The following NFIC variants were observed in gnomAD, a reference collection of about 807,000 sequenced individuals.
NFIC encodes the protein nuclear factor I C.
In NFIC, 12 loss-of-function variants were observed where a neutral mutation model predicts 54.4. The ratio of observed to expected loss-of-function variants is 0.22; its 90% CI spans 0.14 to 0.36. The LOEUF is 0.36. Ranked by LOEUF, NFIC falls within the 10% of genes least tolerant of loss-of-function variation. NFIC has a pLI of 1.00. For synonymous variants in NFIC, 322 were observed against 319.2 expected, an observed-to-expected ratio of 1.01 and a Z score of -0.09; for missense variants, 575 against 718.2, an observed-to-expected ratio of 0.80 and a Z score of 2.28.
intron 6 of NFIC, among the ~76,000 whole-genome samples, chr19:3,445,027 A>G (rs1331112216): frequency 1.4e-5 from 2 of 144,418 alleles, no homozygotes; most frequent in Non-Finnish European, 2.9e-5. Context: ...GCACAGGCAT[A>G]CACATACACA....
chr19:3,405,973 T>C (rs1321144405), intron 2 of NFIC, among the ~76,000 whole-genome samples: 2 of 152,004 alleles, frequency 1.3e-5, no homozygotes, highest in Non-Finnish European at 2.9e-5. Flanking sequence ...CAGGCTGGAG[T>C]GCAGTGACTT....
chr19:3,445,718 G>A (rs1371562936), intron 6 of NFIC, among the ~76,000 whole-genome samples: 1 of 152,202 alleles, frequency 6.6e-6, no homozygotes, highest in Non-Finnish European at 1.5e-5. Context: ...AGCCATCAGA[G>A]AGGACGGAAG....
chr19:3,408,628 T>C (rs2081696313), intron 2 of NFIC, among the ~76,000 whole-genome samples: 1 of 152,106 alleles, frequency 6.6e-6, no homozygotes, highest in Non-Finnish European at 1.5e-5. Context: ...TATTTTATTT[T>C]ATTTTATTTT....
chr19:3,388,308 G>A (rs573497891), intron 2 of NFIC, among the ~76,000 whole-genome samples: 10 of 152,228 alleles, frequency 6.6e-5, no homozygotes, highest in South Asian at 4.1e-4. Context: ...TAATGATGGC[G>A]GCAAACACAC....
At chr19:3,429,061 G>C (rs2145614940) in intron 3 of NFIC, among the ~76,000 whole-genome samples, 1 of 151,424 alleles carries the variant, frequency 6.6e-6, no homozygotes, top group Admixed American at 6.6e-5. Context: ...GAAGCGGGAG[G>C]ATCGCTTGAG....
Position 3,464,795 on chromosome 19 carries a change from C to T in NFIC, c.*2026C>T, listed in dbSNP as rs142170418. Reference sequence around the variant, plus strand: ...CATCCTCTGGCCTCGAGCCCTTGGTCCCTCCGTCCGTCTGTCCTCGGGGCC... The same window carrying T: ...CATCCTCTGGCCTCGAGCCCTTGGTTCCTCCGTCCGTCTGTCCTCGGGGCC... On this transcript the variant is annotated 3_prime_UTR_variant, in exon 11 of 11. Coordinates refer to ENST00000443272, the MANE Select transcript of NFIC (RefSeq NM_001245002.2). 18,380 of 833,088 alleles carry T rather than the reference C, an allele frequency of 0.022. 249 individuals are homozygous for T. Among genetic ancestry groups the T allele is most frequent in the Non-Finnish European group, 0.024 (16,373 of 690,940 alleles). The allele number at this position is 833,088 out of a possible 1,614,324, so 51.6% of individuals were successfully genotyped here. A position where few individuals can be genotyped will look rare whatever the true frequency, so the allele number is the denominator to read the frequency against.
chr19:3,393,508 AG>A (rs2081408129), intron 2 of NFIC, among the ~76,000 whole-genome samples: 1 of 151,738 alleles, frequency 6.6e-6, no homozygotes, highest in African/African-American at 2.4e-5. Flanking sequence ...TTCCAGACCC[AG>A]GGGTCCAGGA....
At position 3,463,584 on chromosome 19, in the gene NFIC, C is replaced by T. The variant is rs1037272961; in HGVS notation, c.*815C>T. 3.0e-6 allele frequency: 3 copies of T among 985,094 alleles called. No individual in the cohort carries two copies. The South Asian group carries it at 1.4e-4, about 46-fold the overall frequency. 61.0% of individuals were successfully genotyped at this position (985,094 alleles called of 1,614,324 possible). ...GACTCTTTCAGCCCTCGCGCCCGCC[C>T]GTTTGGGAGGAGAAGTCTCTATGCA... On this transcript the variant is annotated 3_prime_UTR_variant, in exon 11 of 11. Transcript: ENST00000443272.
chr19:3,384,449 C>T (rs922407523), intron 2 of NFIC, among the ~76,000 whole-genome samples: 13 of 150,506 alleles, frequency 8.6e-5, no homozygotes, highest in Admixed American at 3.3e-4. Flanking sequence ...AGTCCAGTGA[C>T]GCAATCTCGG....
intron 7 of NFIC, among the ~76,000 whole-genome samples, chr19:3,450,204 G>T (rs1273611848): frequency 6.6e-6 from 1 of 151,834 alleles, no homozygotes; most frequent in Non-Finnish European, 1.5e-5. Context: ...AATTATCCGG[G>T]CGTGGTGGCA....
chr19:3,401,254 G>A (rs1402216985), intron 2 of NFIC, among the ~76,000 whole-genome samples: 2 of 152,182 alleles, frequency 1.3e-5, no homozygotes, highest in Non-Finnish European at 2.9e-5. Flanking sequence ...AGGGCTATGG[G>A]CAGAGGAGGG....
At chr19:3,365,942 T>G (rs1023770940), upstream of NFIC, among the ~76,000 whole-genome samples, 2 of 152,170 alleles carry the variant, frequency 1.3e-5, no homozygotes, top group Non-Finnish European at 2.9e-5. Flanking sequence ...GCCAGGGTGC[T>G]GTGGGACCAG....
intron 2 of NFIC, among the ~76,000 whole-genome samples, chr19:3,415,317 C>G (rs898689068): frequency 2.0e-5 from 3 of 151,404 alleles, no homozygotes; most frequent in African/African-American, 7.3e-5. Flanking sequence ...GATGGGGTTT[C>G]ACCATATTGT....
chr19:3,421,015 G>A (rs6510745), intron 2 of NFIC, among the ~76,000 whole-genome samples: 138,132 of 152,274 alleles, frequency 0.91, 62,738 homozygotes, highest in East Asian at 0.93. Flanking sequence ...GAGCCACCGC[G>A]CCCAGCCAAT....
chr19:3,385,575 T>C (rs2081283504), intron 2 of NFIC, among the ~76,000 whole-genome samples: 1 of 92,702 alleles, frequency 1.1e-5, no homozygotes, highest in Non-Finnish European at 2.4e-5. Context: ...TTGTTGTTGT[T>C]TTTTTTTTTT....
Position 3,463,303 on chromosome 19 carries a change from C to G in NFIC, c.*534C>G. 2 of 987,762 alleles carry G rather than the reference C, an allele frequency of 2.0e-6. No homozygotes were observed. The highest frequency in any genetic ancestry group is 2.4e-6 in the Non-Finnish European group (2 of 831,712). 61.2% of individuals were successfully genotyped at this position (987,762 alleles called of 1,614,324 possible). On this transcript the variant is annotated 3_prime_UTR_variant, in exon 11 of 11. Coordinates refer to ENST00000443272, the MANE Select transcript of NFIC (RefSeq NM_001245002.2). ...GCGCCTCTGCCGGACACGGACCGGC[C>G]CCTCAGCCCCCACCGAGGACGCAGC...
At chr19:3,443,933 C>T (rs1048301531) in intron 6 of NFIC, among the ~76,000 whole-genome samples, 4 of 152,208 alleles carry the variant, frequency 2.6e-5, no homozygotes, top group Admixed American at 2.6e-4. Flanking sequence ...TGCATCGGGG[C>T]CTCTGTCCAC....
chr19:3,427,813 CAAAAAAAA>C (rs35768795), intron 3 of NFIC, among the ~76,000 whole-genome samples: 1 of 76,836 alleles, frequency 1.3e-5, no homozygotes, highest in Non-Finnish European at 2.7e-5. Context: ...GAGACTCTGT[CAAAAAAAA>C]AAAAAAAAAA....
At chr19:3,447,910 GT>G (rs1390421204) in intron 6 of NFIC, among the ~76,000 whole-genome samples, 1 of 152,190 alleles carries the variant, frequency 6.6e-6, no homozygotes, top group Non-Finnish European at 1.5e-5. Context: ...TTGCTTGTTT[GT>G]TTTTGAGACA....
Sources: allele counts gnomAD v4.1 joint callset (sites outside exome capture counted in the v4.1 genomes callset), GRCh38; gene constraint gnomAD v4.1.1; transcripts MANE v1.5; gene names NCBI Gene and HGNC (gene_info 2026-07-23, HGNC 2026-07-21).